MTHFD1: variants seen among roughly 807,000 people sequenced by gnomAD.
MTHFD1 encodes C-1-tetrahydrofolate synthase, cytoplasmic.
A neutral mutation model predicts 110.3 loss-of-function variants in MTHFD1; 44 were observed. The ratio of observed to expected loss-of-function variants is 0.40; its 90% CI spans 0.31 to 0.51. The LOEUF is 0.51. MTHFD1 is among the 20% of genes least tolerant of loss of function. The pLI is 0.60. For synonymous variants in MTHFD1, 402 were observed against 428.8 expected (o/e 0.94, Z 0.77); for missense variants, 909 against 1,173.1 (o/e 0.77, Z 3.29).
rs371410992 is a variant in MTHFD1, at chr14:64,415,641, T to C, written c.380T>C (p.Leu127Ser). ...CTTATTTCCATCACTTTTTTAAGAT[T>C]GACTAGCATCAATGCTGGGAAACTT... ...AIAPEKDVDG[L>S]TSINAGKLAR... Residue 127 changes from leucine to serine, a missense_variant and splice_region_variant, in exon 6 of 28, where the codon TTG becomes TCG. Around this residue, in one of 3 missense-constraint regions of MTHFD1, gnomAD observed 424 missense variants for 510.4 expected, o/e 0.83. Coordinates refer to ENST00000652337, the MANE Select transcript of MTHFD1 (RefSeq NM_005956.4). 3.8e-5 allele frequency: 62 copies of C among 1,612,696 alleles called. No homozygotes were observed. Among genetic ancestry groups the C allele is most frequent in the Non-Finnish European group, 5.2e-5 (61 of 1,178,780 alleles).
In MTHFD1 at chr14:64,449,453, C is replaced by A; in HGVS notation, c.2288C>A (p.Thr763Lys). 3 of 1,613,428 alleles carry A rather than the reference C, an allele frequency of 1.9e-6. No individual in the cohort carries two copies. Among genetic ancestry groups the A allele is most frequent in the Non-Finnish European group, 2.5e-6 (3 of 1,180,028 alleles). ...AAATGCTTCCTTTATAGGACGGATA[C>A]AGAGTCTGAGCTGGACCTCATCAGC... ...VVAVNAFKTD[T>K]ESELDLISRL... The change falls in exon 24 of 28, where the codon ACA becomes AAA. Residue 763 changes from threonine (T) to lysine (K), a missense_variant. This residue lies in a region of MTHFD1 where 482 missense variants were observed against 646.0 expected (regional missense o/e 0.75). Coordinates refer to ENST00000652337, the MANE Select transcript of MTHFD1 (RefSeq NM_005956.4).
chr14:64,426,702 C>CACA (rs57601124), intron 11 of MTHFD1, among the ~76,000 whole-genome samples: 25,872 of 151,988 alleles, frequency 0.17, 2,794 homozygotes, highest in African/African-American at 0.31. Flanking sequence ...AACTCCTGAC[C>CACA]TTGTGATCCA....
Position 64,453,667 on chromosome 14 carries a change from A to G in MTHFD1, c.2458-87A>G, listed in dbSNP as rs189666084. The G allele has an allele frequency of 9.0e-6, 7 of 779,788 alleles. No homozygotes were observed. The Admixed American group carries it at 1.2e-4, about 13-fold the overall frequency. The allele number at this position is 779,788 out of a possible 1,614,324, so 48.3% of individuals were successfully genotyped here. On this transcript the variant is annotated intron_variant, in intron 24 of 27. Transcript: ENST00000652337. ...AAACCATCTTCTGCCCCTTTTAGGG[A>G]CTCTGACCTAGAATGTGGCTATGTC...
chr14:64,400,306 T>C (rs2077886092), intron 1 of MTHFD1, among the ~76,000 whole-genome samples: 1 of 152,060 alleles, frequency 6.6e-6, no homozygotes, highest in Non-Finnish European at 1.5e-5. Flanking sequence ...GAGAATCGAT[T>C]GAACCTGGGA....
intron 4 of MTHFD1, among the ~76,000 whole-genome samples, chr14:64,413,072 C>T (rs2140954440): frequency 6.6e-6 from 1 of 152,052 alleles, no homozygotes; most frequent in East Asian, 1.9e-4. Flanking sequence ...ATCCTTGGAG[C>T]CAGGCACGGT....
chr14:64,424,677 T>C (rs980408981), intron 8 of MTHFD1, 127 bp from the exon 9 acceptor site: 41 of 1,004,346 alleles, frequency 4.1e-5, no homozygotes, highest in Admixed American at 2.4e-4. Context: ...CCATAGCTTT[T>C]AAGTTAAGTA....
At chr14:64,448,846 C>G (rs2078323077) in intron 23 of MTHFD1, among the ~76,000 whole-genome samples, 2 of 151,278 alleles carry the variant, frequency 1.3e-5, no homozygotes, top group Non-Finnish European at 2.9e-5. Flanking sequence ...GTTGCCCAGG[C>G]TGGAGTGCAG....
intron 27 of MTHFD1, among the ~76,000 whole-genome samples, chr14:64,458,839 AT>A (rs2140994459): frequency 6.6e-6 from 1 of 152,328 alleles, no homozygotes; most frequent in Non-Finnish European, 1.5e-5. Context: ...ATTGTTTGAT[AT>A]TTTTGAAATT....
chr14:64,421,486 A>G (rs3783728), intron 8 of MTHFD1, among the ~76,000 whole-genome samples: 9,458 of 152,348 alleles, frequency 0.062, 360 homozygotes, highest in South Asian at 0.14. Flanking sequence ...TTAAGACAGT[A>G]GCTCATAATT....
chr14:64,441,329 A>T, intron 18 of MTHFD1, 56 bp from the exon 19 acceptor site: 3 of 1,541,964 alleles, frequency 1.9e-6, no homozygotes, highest in Non-Finnish European at 2.7e-6. Flanking sequence ...TATTGGTTTC[A>T]GAAGGTTGGG....
chr14:64,400,621 G>A (rs562966106), intron 1 of MTHFD1, among the ~76,000 whole-genome samples, 172 bp from the exon 2 acceptor site: 3 of 152,314 alleles, frequency 2.0e-5, no homozygotes, highest in East Asian at 1.9e-4. Flanking sequence ...CCAGGAGGTC[G>A]AGGCTGCAGT....
intron 1 of MTHFD1, among the ~76,000 whole-genome samples, chr14:64,395,326 C>G (rs1293817644): frequency 2.0e-5 from 3 of 152,198 alleles, no homozygotes; most frequent in Non-Finnish European, 4.4e-5. Flanking sequence ...GGATGCTTGA[C>G]TTTTTGAAAG....
chr14:64,448,473 T>A (rs1260716291), intron 23 of MTHFD1, 156 bp downstream of exon 23: 1 of 687,086 alleles, frequency 1.5e-6, no homozygotes, highest in South Asian at 1.6e-5. Flanking sequence ...CATACGTCAC[T>A]GCGGGCTCAC....
chr14:64,453,577 CAAAA>C (rs1053349678), intron 24 of MTHFD1, among the ~76,000 whole-genome samples, 173 bp from the exon 25 acceptor site: 1 of 152,088 alleles, frequency 6.6e-6, no homozygotes, highest in Non-Finnish European at 1.5e-5. Context: ...CTCAAAAAAA[CAAAA>C]AGAAAGTGTT....
Position 64,440,223 on chromosome 14 carries a change from T to C in MTHFD1, c.1772T>C (p.Val591Ala). The C allele has an allele frequency of 6.2e-7, 1 of 1,614,180 alleles. No individual in the cohort carries two copies. Among genetic ancestry groups the C allele is most frequent in the Non-Finnish European group, 8.5e-7 (1 of 1,180,034 alleles). Reference protein sequence around the residue: ...DMRERLGKMVVASSKKGEPVS... With the variant: ...DMRERLGKMVAASSKKGEPVS... ...AGAGAGAGACTGGGCAAAATGGTGG[T>C]GGCATCCAGTAAGAAAGGAGAGCCC... Residue 591 changes from valine to alanine, a missense_variant, in exon 18 of 28, where the codon GTG becomes GCG. By Grantham distance (64) the Val-to-Ala change is moderately conservative (BLOSUM62 0). Around this residue, in one of 3 missense-constraint regions of MTHFD1, gnomAD observed 482 missense variants for 646.0 expected, o/e 0.75. Coordinates refer to ENST00000652337, the MANE Select transcript of MTHFD1 (RefSeq NM_005956.4).
chr14:64,419,334 T>C, intron 7 of MTHFD1: 1 of 244,422 alleles, frequency 4.1e-6, no homozygotes, highest in Non-Finnish European at 8.0e-6. Context: ...GGCAGCTTGT[T>C]CTAGATCCCT....
intron 10 of MTHFD1, 67 bp from the exon 11 acceptor site, chr14:64,425,952 G>T (rs2078115191): frequency 1.9e-6 from 3 of 1,601,250 alleles, no homozygotes; most frequent in Non-Finnish European, 8.6e-7. Context: ...TTGGGGGCTT[G>T]TTACTACTGT....
chr14:64,453,659 T>C, intron 24 of MTHFD1, 95 bp from the exon 25 acceptor site: 1 of 755,232 alleles, frequency 1.3e-6, no homozygotes, highest in Non-Finnish European at 2.4e-6. Flanking sequence ...CTTCTGCCCC[T>C]TTTAGGGACT....
chr14:64,439,594 T>G (rs1370546422), intron 17 of MTHFD1, among the ~76,000 whole-genome samples: 1 of 152,168 alleles, frequency 6.6e-6, no homozygotes, highest in East Asian at 1.9e-4. Flanking sequence ...ACTATAACAT[T>G]TATTTTAAAA....
Sources: allele counts gnomAD v4.1 joint callset (sites outside exome capture counted in the v4.1 genomes callset), GRCh38; gene constraint gnomAD v4.1.1; regional missense constraint gnomAD v4.1.1; transcripts MANE v1.5; gene names NCBI Gene and HGNC (gene_info 2026-07-23, HGNC 2026-07-21).